The following ARL6IP6 variants were observed in gnomAD, a reference collection of about 807,000 sequenced individuals.
The protein encoded by ARL6IP6 is ADP-ribosylation factor-like protein 6-interacting protein 6.
A neutral mutation model predicts 21.5 loss-of-function variants in ARL6IP6; 22 were observed. That is an observed-to-expected ratio of 1.02 (90% CI 0.73 to 1.46). ARL6IP6 has a LOEUF of 1.46. Among genes scored for constraint, ARL6IP6 ranks in the 40% most tolerant of loss-of-function variants. The probability of loss-of-function intolerance (pLI) is 0.00; values close to 1 mark genes in which losing one functional copy is unlikely to be tolerated. For missense variants in ARL6IP6, 388 were observed against 299.8 expected (o/e 1.29, Z -2.17); for synonymous variants, 164 against 125.3 (o/e 1.31, Z -2.06).
chr2:152,718,983 T>C lies in ARL6IP6; in HGVS notation c.359T>C (p.Leu120Pro). ...CTCTGCTCGCTGCTCTTCGCCATTC[T>C]TCTCGCCTTCCTCCTCGCCATCGCC... Reference protein sequence around the residue: ...SILCSLLFAILLAFLLAIAYL... With the variant: ...SILCSLLFAIPLAFLLAIAYL... Residue 120 changes from leucine (L) to proline (P), a missense_variant, in exon 1 of 4, where the codon CTT (leucine) becomes CCT (proline). Transcript: ENST00000326446. The C allele has an allele frequency of 6.3e-7, 1 of 1,586,040 alleles. No individual in the cohort carries two copies. The highest frequency in any genetic ancestry group is 8.6e-7 in the Non-Finnish European group (1 of 1,163,806).
chr2:152,718,203 A>C, upstream of ARL6IP6: 3 of 503,236 alleles, frequency 6.0e-6, no homozygotes, highest in Non-Finnish European at 5.2e-6. Flanking sequence ...AGGTTCGGGA[A>C]TGTGTCTCCG....
At chr2:152,743,672 T>C (rs1700918024) in intron 3 of ARL6IP6, among the ~76,000 whole-genome samples, 1 of 152,114 alleles carries the variant, frequency 6.6e-6, no homozygotes, top group African/African-American at 2.4e-5. Context: ...TCCATAGATA[T>C]TTATTTCCAA....
At chr2:152,724,249 A>T (rs1233098548) in intron 2 of ARL6IP6, among the ~76,000 whole-genome samples, 1 of 152,182 alleles carries the variant, frequency 6.6e-6, no homozygotes, top group Admixed American at 6.5e-5. Context: ...ACTTGCAATA[A>T]GAAAAACTTT....
intron 3 of ARL6IP6, among the ~76,000 whole-genome samples, chr2:152,738,477 A>G (rs950526248): frequency 1.3e-5 from 2 of 152,192 alleles, no homozygotes; most frequent in African/African-American, 2.4e-5. Flanking sequence ...GCACACCTCT[A>G]CCTGAACATC....
intron 3 of ARL6IP6, among the ~76,000 whole-genome samples, chr2:152,735,633 A>G (rs1159742549): frequency 6.6e-6 from 1 of 152,156 alleles, no homozygotes; most frequent in African/African-American, 2.4e-5. Context: ...TCTTTGGTCT[A>G]TATTTTCCAT....
intron 3 of ARL6IP6, among the ~76,000 whole-genome samples, chr2:152,756,884 C>T (rs1701617716): frequency 1.3e-5 from 2 of 152,044 alleles, no homozygotes; most frequent in Admixed American, 6.5e-5. Flanking sequence ...TGTATATCTA[C>T]CTTGTAACTC....
upstream of ARL6IP6, chr2:152,718,459 C>A: frequency 1.0e-6 from 1 of 969,538 alleles, no homozygotes; most frequent in Non-Finnish European, 1.4e-6. Flanking sequence ...CTCCTTTGGC[C>A]CTGCGGCTTC....
intron 2 of ARL6IP6, among the ~76,000 whole-genome samples, chr2:152,732,254 G>A (rs574754601): frequency 6.6e-6 from 1 of 152,078 alleles, no homozygotes; most frequent in African/African-American, 2.4e-5. Context: ...AACAGATACT[G>A]CCAAACTGCT....
At chr2:152,743,537 A>G (rs1700912826) in intron 3 of ARL6IP6, among the ~76,000 whole-genome samples, 1 of 152,186 alleles carries the variant, frequency 6.6e-6, no homozygotes, top group East Asian at 1.9e-4. Context: ...TGTATAACCT[A>G]AGCATACAGA....
rs1026957910 is a variant in ARL6IP6 at position 152,722,868 on chromosome 2, A to G, written c.454+2282A>G. On this transcript the variant is annotated intron_variant, in intron 2 of 3. Transcript: ENST00000326446. ...GGTTGCAGTGAGCCAAGATTGCGCC[A>G]CTGCATTCCATCCTCAGCAACAGAG... 2.6e-5 allele frequency among the ~76,000 whole-genome samples: 4 copies of G among 152,222 alleles called. No homozygotes were observed. In the East Asian group the frequency reaches 7.7e-4, roughly 29 times the overall value.
rs562711293 is a variant in ARL6IP6, at chr2:152,720,633, G to A, written c.454+47G>A. The A allele has an allele frequency of 9.9e-6, 15 of 1,522,128 alleles. No homozygotes were observed. The East Asian group carries it at 1.1e-4, about 11-fold the overall frequency. The allele number at this position is 1,522,128 out of a possible 1,614,324, so 94.3% of individuals were successfully genotyped here. On this transcript the variant is annotated intron_variant, in intron 2 of 3. Transcript: ENST00000326446. The stretch of plus-strand genomic sequence containing the variant: ...GCTTTGGTTTTGAGCTCACGTTTGT[G>A]TTTCTAGATCATGTTTGAACTAACT...
intron 2 of ARL6IP6, among the ~76,000 whole-genome samples, chr2:152,726,250 C>T (rs759852226): frequency 3.3e-5 from 5 of 152,118 alleles, no homozygotes; most frequent in African/African-American, 9.7e-5. Flanking sequence ...GTCAGAGGAT[C>T]ACCTTCCTCA....
intron 2 of ARL6IP6, chr2:152,732,556 T>C: frequency 2.2e-6 from 1 of 460,814 alleles, no homozygotes. Context: ...GCAGGAAATT[T>C]TCCCTTATGC....
At chr2:152,719,093 C>T in intron 1 of ARL6IP6, 69 bp downstream of exon 1, 3 of 1,427,982 alleles carry the variant, frequency 2.1e-6, no homozygotes, top group Non-Finnish European at 2.8e-6. Flanking sequence ...CTCGTCTCCA[C>T]CCATCTCCCT....
chr2:152,718,762 G>C lies in ARL6IP6; in HGVS notation c.138G>C (p.Glu46Asp), dbSNP rs771174515. The C allele has an allele frequency of 1.2e-6, 2 of 1,610,086 alleles. No homozygotes were observed. Among genetic ancestry groups the C allele is most frequent in the Non-Finnish European group, 1.7e-6 (2 of 1,178,150 alleles). ...GTGAAGGCGAAGTCGACGAGGAGGAGGGATGCGACCAAGTGGCCCGCGACC... is the reference window on the plus strand; with the variant it reads ...GTGAAGGCGAAGTCGACGAGGAGGACGGATGCGACCAAGTGGCCCGCGACC... Reference protein sequence around the residue: ...SWGEGEVDEEEGCDQVARDLR... With the variant: ...SWGEGEVDEEDGCDQVARDLR... The change falls in exon 1 of 4, where the codon GAG becomes GAC. Residue 46 changes from glutamate to aspartate, a missense_variant. By Grantham distance (45) the Glu-to-Asp change is conservative (BLOSUM62 2). Transcript: ENST00000326446.
chr2:152,737,433 A>G (rs1351458978), intron 3 of ARL6IP6, among the ~76,000 whole-genome samples: 1 of 152,202 alleles, frequency 6.6e-6, no homozygotes, highest in South Asian at 2.1e-4. Flanking sequence ...ATTAGAATCA[A>G]TTTAATAAAG....
rs1217185074 is a variant in ARL6IP6, at chr2:152,718,743, G to A, written c.119G>A (p.Gly40Asp). Residue 40 changes from glycine to aspartate, a missense_variant, in exon 1 of 4, where the codon GGC becomes GAC. Gly to Asp is a moderately conservative substitution (Grantham distance 94). Transcript: ENST00000326446. Reference protein sequence around the residue: ...SFTQGDSWGEGEVDEEEGCDQ... With the variant: ...SFTQGDSWGEDEVDEEEGCDQ... The stretch of plus-strand genomic sequence containing the variant: ...ACTCAGGGGGACAGCTGGGGTGAAG[G>A]CGAAGTCGACGAGGAGGAGGGATGC... 5.0e-6 allele frequency: 8 copies of A among 1,611,008 alleles called. No homozygotes were observed.
At chr2:152,755,246 A>T (rs1294363659) in intron 3 of ARL6IP6, among the ~76,000 whole-genome samples, 1 of 152,196 alleles carries the variant, frequency 6.6e-6, no homozygotes, top group African/African-American at 2.4e-5. Context: ...ACCATGGTCT[A>T]GCGGTAGCGT....
intron 3 of ARL6IP6, among the ~76,000 whole-genome samples, chr2:152,755,122 G>C (rs1218510954): frequency 6.6e-6 from 1 of 152,210 alleles, no homozygotes; most frequent in Non-Finnish European, 1.5e-5. Context: ...GACATAGTGA[G>C]AAGTAACCAG....
Sources: gnomAD v4.1 joint callset for allele counts (sites outside exome capture counted in the v4.1 genomes callset) on GRCh38, gnomAD v4.1.1 for gene constraint, MANE v1.5 for transcripts, NCBI Gene and HGNC (gene_info 2026-07-23, HGNC 2026-07-21) for gene names.